The following CUL1 variants were observed in gnomAD, a reference collection of about 807,000 sequenced individuals.
The protein encoded by CUL1 is cullin 1.
In CUL1, 24 loss-of-function variants were observed where a neutral mutation model predicts 118.0. The observed-to-expected ratio is 0.20, with a 90% CI of 0.15 to 0.29. CUL1 has a LOEUF of 0.29. Ranked by LOEUF, CUL1 falls within the 10% of genes least tolerant of loss-of-function variation. The pLI is 1.00. For missense variants in CUL1, 361 were observed against 933.8 expected (o/e 0.39, Z 7.99); for synonymous variants, 332 against 340.4 (o/e 0.98, Z 0.27).
intron 9 of CUL1, among the ~76,000 whole-genome samples, chr7:148,778,400 A>G (rs971188180): frequency 2.0e-5 from 3 of 152,124 alleles, no homozygotes; most frequent in African/African-American, 7.2e-5. Flanking sequence ...TGGTGGGGAT[A>G]CCATTGAGCA....
chr7:148,729,301 CATTTTGCAGACTAGGA>C (rs1241848795), intron 1 of CUL1, among the ~76,000 whole-genome samples: 1 of 152,120 alleles, frequency 6.6e-6, no homozygotes, highest in Non-Finnish European at 1.5e-5. Context: ...AATTGGCCTC[CATTTTGCAGACTAGGA>C]AATTAGAGCT....
intron 5 of CUL1, 34 bp downstream of exon 5, chr7:148,759,388 T>TTA: frequency 6.2e-7 from 1 of 1,608,704 alleles, no homozygotes; most frequent in East Asian, 2.2e-5. Context: ...CATGTTCCTT[T>TTA]TAAAATCCCT....
At chr7:148,767,945 C>T (rs77622694) in intron 9 of CUL1, among the ~76,000 whole-genome samples, 196 bp downstream of exon 9, 2,343 of 152,280 alleles carry the variant, frequency 0.015, 23 homozygotes, top group Middle Eastern at 0.02. Flanking sequence ...GTTTTTCCCT[C>T]GCACTTTTTA....
At chr7:148,767,345 A>G (rs1400758446) in intron 8 of CUL1, among the ~76,000 whole-genome samples, 1 of 148,860 alleles carries the variant, frequency 6.7e-6, no homozygotes, top group African/African-American at 2.5e-5. Flanking sequence ...TTTTTTGCTT[A>G]GTCTTAAGTT....
chr7:148,738,108 A>C (rs573913654), intron 2 of CUL1, among the ~76,000 whole-genome samples: 18 of 152,204 alleles, frequency 1.2e-4, no homozygotes, highest in Non-Finnish European at 2.4e-4. Context: ...GCAATAACTA[A>C]AAGTCAAGAA....
intron 2 of CUL1, among the ~76,000 whole-genome samples, chr7:148,746,547 A>G (rs1799314770): frequency 6.6e-6 from 1 of 152,218 alleles, no homozygotes; most frequent in African/African-American, 2.4e-5. Context: ...GTGCTAACAT[A>G]CTTAGTGGCT....
At chr7:148,716,384 G>A (rs1427219664) in intron 1 of CUL1, among the ~76,000 whole-genome samples, 1 of 152,194 alleles carries the variant, frequency 6.6e-6, no homozygotes, top group African/African-American at 2.4e-5. Flanking sequence ...GACGAAGTTA[G>A]ACACTTTGCT....
intron 17 of CUL1, 133 bp downstream of exon 17, chr7:148,792,951 A>T: frequency 1.6e-6 from 1 of 610,386 alleles, no homozygotes; most frequent in Non-Finnish European, 2.8e-6. Flanking sequence ...GAATATGAAT[A>T]TGGCCTTATT....
intron 1 of CUL1, among the ~76,000 whole-genome samples, chr7:148,704,164 C>G (rs1184116113): frequency 7.1e-6 from 1 of 140,368 alleles, no homozygotes; most frequent in Non-Finnish European, 1.5e-5. Context: ...CGGCCCCCCC[C>G]CACCCCCGTG....
intron 16 of CUL1, among the ~76,000 whole-genome samples, chr7:148,791,206 C>T (rs755768004): frequency 1.6e-4 from 25 of 152,118 alleles, no homozygotes; most frequent in African/African-American, 4.8e-4. Context: ...TTTCTACTTC[C>T]ACTTTTGTAC....
chr7:148,772,515 A>G lies in CUL1; in HGVS notation c.1083+4766A>G, dbSNP rs6950315. Among the ~76,000 whole-genome samples, 980 of 152,330 alleles carry G rather than the reference A, an allele frequency of 6.4e-3. 15 individuals carry two copies. Among genetic ancestry groups the G allele is most frequent in the African/African-American group, 0.022 (921 of 41,586 alleles). ...GTATTTTTAGCTGCATGATGTGGTC[A>G]GTGTTTCAAATCAAAGGGCAAACAA... On this transcript the variant is annotated intron_variant, in intron 9 of 21. Coordinates refer to ENST00000325222, the MANE Select transcript of CUL1 (RefSeq NM_003592.3).
chr7:148,754,216 T>C, intron 3 of CUL1, 66 bp downstream of exon 3: 2 of 1,070,932 alleles, frequency 1.9e-6, no homozygotes, highest in Non-Finnish European at 2.7e-6. Flanking sequence ...ATAATGGTTC[T>C]AACTTGTTAA....
At chr7:148,709,875 G>C (rs1008984160) in intron 1 of CUL1, among the ~76,000 whole-genome samples, 1 of 152,138 alleles carries the variant, frequency 6.6e-6, no homozygotes, top group African/African-American at 2.4e-5. Flanking sequence ...TTGAGCTTAC[G>C]AGTTCGAGAC....
rs201213491 is a variant in CUL1 at position 148,790,409 on chromosome 7, A to T, written c.1774A>T (p.Thr592Ser). The T allele has an allele frequency of 1.2e-6, 2 of 1,614,052 alleles. No individual in the cohort carries two copies. Among genetic ancestry groups the T allele is most frequent in the South Asian group, 2.2e-5 (2 of 91,078 alleles). The change falls in exon 16 of 22, where the codon ACT (threonine) becomes TCT (serine). Residue 592 changes from threonine to serine, a missense_variant. Physicochemically the swap from Thr to Ser is moderately conservative, Grantham distance 58. Coordinates refer to ENST00000325222, the MANE Select transcript of CUL1 (RefSeq NM_003592.3). ...LYQLSKGELV[T>S]NCFKNRYTLQ... is the part of the protein sequence containing the mutation. ...TCAGTTGTCTAAAGGAGAATTGGTA[A>T]CTAACTGCTTCAAAAACAGATATAC...
At chr7:148,747,085 A>G (rs1227645946) in intron 2 of CUL1, among the ~76,000 whole-genome samples, 1 of 152,234 alleles carries the variant, frequency 6.6e-6, no homozygotes, top group Admixed American at 6.5e-5. Context: ...ATCAAAAGGA[A>G]TGCACTTGTT....
Position 148,781,079 on chromosome 7 carries a change from A to ATTTT in CUL1, c.1084-2685_1084-2682dup, listed in dbSNP as rs1197920664. Among the ~76,000 whole-genome samples, 117 of 93,712 alleles carry ATTTT rather than the reference A, an allele frequency of 1.2e-3. 24 individuals carry two copies. The highest frequency in any genetic ancestry group is 4.1e-3 in the African/African-American group (88 of 21,726). The allele number at this position is 93,712 out of a possible 152,430, so 61.5% of individuals were successfully genotyped here. ...GCTAAATTCACATTTTCAAGGCCAG[A>ATTTT]TTTTTTTTTTTTTTTTTTTTTTGAC... On this transcript the variant is annotated intron_variant, in intron 9 of 21. Coordinates refer to ENST00000325222, the MANE Select transcript of CUL1 (RefSeq NM_003592.3).
chr7:148,739,218 G>T (rs1799061017), intron 2 of CUL1, among the ~76,000 whole-genome samples: 1 of 152,192 alleles, frequency 6.6e-6, no homozygotes, highest in African/African-American at 2.4e-5. Context: ...GGGGCTGGTG[G>T]CCTGGACAGA....
chr7:148,702,183 A>G (rs1431203498), intron 1 of CUL1, among the ~76,000 whole-genome samples: 2 of 152,250 alleles, frequency 1.3e-5, no homozygotes, highest in East Asian at 3.8e-4. Context: ...ATGAAGATTT[A>G]GTAAACACAC....
chr7:148,784,105 T>A, intron 11 of CUL1, 28 bp downstream of exon 11: 2 of 1,532,064 alleles, frequency 1.3e-6, no homozygotes, highest in Non-Finnish European at 1.8e-6. Flanking sequence ...GTTTTCTTAG[T>A]ATGCCTGTTT....
Sources: allele counts gnomAD v4.1 joint callset (sites outside exome capture counted in the v4.1 genomes callset), GRCh38; gene constraint gnomAD v4.1.1; transcripts MANE v1.5; gene names NCBI Gene and HGNC (gene_info 2026-07-23, HGNC 2026-07-21).